The following LRP1B variants were observed in gnomAD, a reference collection of about 807,000 sequenced individuals.
LRP1B encodes LDL receptor related protein 1B.
In LRP1B, 217 loss-of-function variants were observed where a neutral mutation model predicts 556.6. The ratio of observed to expected loss-of-function variants is 0.39; its 90% CI spans 0.35 to 0.44. The LOEUF (loss-of-function observed/expected upper bound fraction) is 0.44, where lower values mean the gene tolerates loss of function less well. LRP1B is among the 20% of genes least tolerant of loss of function. LRP1B has a pLI of 1.00. For synonymous variants in LRP1B, 2,047 were observed against 1,865.8 expected (o/e 1.10, Z -2.50); for missense variants, 5,053 against 5,620.8 (o/e 0.90, Z 3.23).
chr2:141,292,596 T>G (rs1411126376), intron 3 of LRP1B, among the ~76,000 whole-genome samples: 9 of 152,282 alleles, frequency 5.9e-5, no homozygotes, highest in East Asian at 1.9e-4. Context: ...ATGTTGATGG[T>G]AGGTACCTCT....
intron 43 of LRP1B, among the ~76,000 whole-genome samples, chr2:140,571,047 A>T (rs889277290): frequency 6.6e-5 from 10 of 151,902 alleles, no homozygotes; most frequent in African/African-American, 2.4e-4. Flanking sequence ...CAAAGCTAAC[A>T]TCATACTTAA....
At chr2:140,837,336 G>A (rs1174701377) in intron 31 of LRP1B, among the ~76,000 whole-genome samples, 1 of 152,048 alleles carries the variant, frequency 6.6e-6, no homozygotes, top group African/African-American at 2.4e-5. Flanking sequence ...TTAAGGAAAA[G>A]GACAGTGTCA....
intron 1 of LRP1B, among the ~76,000 whole-genome samples, chr2:142,104,192 C>T (rs1383429300): frequency 6.6e-6 from 1 of 152,066 alleles, no homozygotes; most frequent in Non-Finnish European, 1.5e-5. Flanking sequence ...AGTTCAAGTG[C>T]TATTCTTCAC....
rs527287861 is a variant in LRP1B, at chr2:140,254,545, TTTTG to T, written c.13248-7387_13248-7384del. Among the ~76,000 whole-genome samples, 232 of 152,010 alleles carry T rather than the reference TTTTG, an allele frequency of 1.5e-3. 1 individual carries two copies. Among genetic ancestry groups the T allele is most frequent in the East Asian group, 6.4e-3 (33 of 5,142 alleles). ...TTTTTGTTTTTTGTTTGTTTGTTTG[TTTTG>T]TTTGTTTGTTTTGTTTTGTTTTGAG... On this transcript the variant is annotated intron_variant, in intron 86 of 90. Coordinates refer to ENST00000389484, the MANE Select transcript of LRP1B (RefSeq NM_018557.3).
At chr2:141,721,664 T>C (rs1574283094) in intron 2 of LRP1B, among the ~76,000 whole-genome samples, 1 of 152,180 alleles carries the variant, frequency 6.6e-6, no homozygotes. Context: ...AGAACTTTGT[T>C]CTTCAGGAAG....
chr2:141,600,009 T>G (rs1687669438), intron 2 of LRP1B, among the ~76,000 whole-genome samples: 1 of 152,134 alleles, frequency 6.6e-6, no homozygotes. Flanking sequence ...AGTGGCAGTT[T>G]TCTCATTCAA....
Position 140,475,219 on chromosome 2 carries a change from C to T in LRP1B, c.9544G>A (p.Asp3182Asn). 6.2e-7 allele frequency: 1 copy of T among 1,611,600 alleles called. No individual in the cohort carries two copies. The highest frequency in any genetic ancestry group is 8.5e-7 in the Non-Finnish European group (1 of 1,178,328). ...CAGTAGAGTCTACGATTAACATAAT[C>T]TATTGTTAGTGCCATAGGTCTAGAA... ...KISRPMALTIDYVNRRLYWAD... is the reference protein window; with the variant it reads ...KISRPMALTINYVNRRLYWAD... Residue 3182 changes from aspartate to asparagine, a missense_variant, in exon 60 of 91, where the codon GAT becomes AAT. Coordinates refer to ENST00000389484, the MANE Select transcript of LRP1B (RefSeq NM_018557.3).
chr2:140,483,615 C>T (rs189182589), intron 59 of LRP1B, among the ~76,000 whole-genome samples: 6,179 of 88,164 alleles, frequency 0.07, 385 homozygotes, highest in Non-Finnish European at 0.11. Flanking sequence ...CACACACACA[C>T]ATATATATAT....
chr2:141,073,600 T>C (rs1699703553), intron 7 of LRP1B, among the ~76,000 whole-genome samples: 1 of 152,100 alleles, frequency 6.6e-6, no homozygotes, highest in South Asian at 2.1e-4. Context: ...ATAAACACAG[T>C]TGTTTTGTTG....
In LRP1B at chr2:140,973,304, C is replaced by T. The variant is rs142433117; in HGVS notation, c.2887+8856G>A. ...CTTTGTTACTATGATTTGGTTAAAG[C>T]TTCAAAAGTTAGGCTTATCCAATCT... On this transcript the variant is annotated intron_variant, in intron 18 of 90. Transcript: ENST00000389484. Among the ~76,000 whole-genome samples the T allele has an allele frequency of 5.4e-3, 823 of 151,878 alleles. 10 individuals carry two copies. The highest frequency in any genetic ancestry group is 0.019 in the African/African-American group (781 of 41,472).
chr2:142,047,704 G>A (rs1320541754), intron 1 of LRP1B, among the ~76,000 whole-genome samples: 1 of 151,838 alleles, frequency 6.6e-6, no homozygotes, highest in Admixed American at 6.6e-5. Context: ...CCTATGGATT[G>A]TGAGTGGACG....
At chr2:141,770,831 A>G (rs866584171) in intron 2 of LRP1B, among the ~76,000 whole-genome samples, 1 of 152,162 alleles carries the variant, frequency 6.6e-6, no homozygotes, top group African/African-American at 2.4e-5. Flanking sequence ...TTGCCTGTTA[A>G]TAAGGTGGAC....
At chr2:141,414,115 T>A (rs1314844896) in intron 3 of LRP1B, among the ~76,000 whole-genome samples, 1 of 151,402 alleles carries the variant, frequency 6.6e-6, no homozygotes, top group South Asian at 2.1e-4. Context: ...CGGGTGCCTG[T>A]AGTCCCAGCT....
At chr2:140,434,789 C>T (rs965575044) in intron 66 of LRP1B, among the ~76,000 whole-genome samples, 4 of 152,156 alleles carry the variant, frequency 2.6e-5, no homozygotes, top group African/African-American at 4.8e-5. Context: ...GTAATAACTA[C>T]GTGTCTTTTG....
chr2:141,690,261 C>T (rs1453523113), intron 2 of LRP1B, among the ~76,000 whole-genome samples: 1 of 150,786 alleles, frequency 6.6e-6, no homozygotes. Context: ...AAGCATGCTG[C>T]TTCTTGGTAT....
At chr2:140,872,629 T>A (rs994572696) in intron 25 of LRP1B, among the ~76,000 whole-genome samples, 2 of 151,958 alleles carry the variant, frequency 1.3e-5, no homozygotes, top group Admixed American at 1.3e-4. Context: ...TCTCCTTATA[T>A]AACCCTATGA....
intron 7 of LRP1B, among the ~76,000 whole-genome samples, chr2:141,081,850 T>G (rs758467003): frequency 2.6e-5 from 4 of 152,176 alleles, no homozygotes; most frequent in Non-Finnish European, 4.4e-5. Flanking sequence ...GCCACCAAGA[T>G]TCTCAGAATT....
intron 63 of LRP1B, among the ~76,000 whole-genome samples, chr2:140,445,847 C>T (rs1686635221): frequency 6.6e-6 from 1 of 152,062 alleles, no homozygotes; most frequent in Admixed American, 6.6e-5. Flanking sequence ...CAATAAAACA[C>T]TTATCTTTTG....
At chr2:140,813,895 T>G in intron 31 of LRP1B, 89 bp from the exon 32 acceptor site, 6 of 911,392 alleles carry the variant, frequency 6.6e-6, no homozygotes, top group Middle Eastern at 2.6e-4. Flanking sequence ...GGGAAAAAAA[T>G]AAGTTGAAAG....
Sources: allele counts gnomAD v4.1 joint callset (sites outside exome capture counted in the v4.1 genomes callset), GRCh38; gene constraint gnomAD v4.1.1; transcripts MANE v1.5; gene names NCBI Gene and HGNC (gene_info 2026-07-23, HGNC 2026-07-21).